KLF17: variants seen among roughly 807,000 people sequenced by gnomAD.
KLF17 encodes the protein Krueppel-like factor 17.
In KLF17, 31 loss-of-function variants were observed where a neutral mutation model predicts 34.2. The observed-to-expected ratio is 0.91, with a 90% CI of 0.68 to 1.22. The LOEUF is 1.22. Ranked by LOEUF, KLF17 falls within the 50% of genes most tolerant of loss-of-function variation. KLF17 has a pLI of 0.00. For missense variants in KLF17, 478 were observed against 505.2 expected, an observed-to-expected ratio of 0.95 and a Z score of 0.52; for synonymous variants, 179 against 186.7, an observed-to-expected ratio of 0.96 and a Z score of 0.34.
the KLF17 span, chr1:44,088,217 C>G: frequency 0.23 from 35,080 of 152,478 alleles, 4,564 homozygotes; most frequent in Non-Finnish European, 0.28. Flanking sequence ...CTCCCAGGCT[C>G]TAGCGATCTT....
the KLF17 span, chr1:44,104,053 C>T: frequency 3.4e-6 from 3 of 875,904 alleles, no homozygotes; most frequent in Non-Finnish European, 3.9e-6. Flanking sequence ...ACAGACGTGG[C>T]GGAGATCTGG....
chr1:44,119,404 G>GAA (rs560211733), intron 1 of KLF17, among the ~76,000 whole-genome samples: 1,627 of 136,966 alleles, frequency 0.012, 26 homozygotes, highest in African/African-American at 0.036. Flanking sequence ...GAAACAACAG[G>GAA]AAAAAAAAAA....
chr1:44,078,732 G>A, the KLF17 span, among the ~76,000 whole-genome samples: 1 of 152,088 alleles, frequency 6.6e-6, no homozygotes. Context: ...TGCTGTGCCC[G>A]GCCGCTTTTC....
chr1:44,097,114 G>C, the KLF17 span, among the ~76,000 whole-genome samples: 3 of 152,052 alleles, frequency 2.0e-5, no homozygotes, highest in Admixed American at 2.0e-4. Context: ...TTTTTGTCGG[G>C]TTGATCAGAT....
At chr1:44,123,067 A>C (rs1038225546) in intron 1 of KLF17, among the ~76,000 whole-genome samples, 2 of 152,146 alleles carry the variant, frequency 1.3e-5, no homozygotes, top group Non-Finnish European at 2.9e-5. Flanking sequence ...CAATCTTCAA[A>C]GTTAGGATAA....
chr1:44,056,079 A>G, the KLF17 span, among the ~76,000 whole-genome samples: 1 of 152,210 alleles, frequency 6.6e-6, no homozygotes, highest in Non-Finnish European at 1.5e-5. Context: ...GCCGCATCTC[A>G]GCTTACCTGG....
chr1:44,112,491 G>C, the KLF17 span, among the ~76,000 whole-genome samples: 1 of 151,860 alleles, frequency 6.6e-6, no homozygotes, highest in East Asian at 1.9e-4. Context: ...CTTTAACCTT[G>C]AACTCCTAGG....
chr1:44,060,042 T>C, the KLF17 span, among the ~76,000 whole-genome samples: 2 of 152,026 alleles, frequency 1.3e-5, no homozygotes, highest in Non-Finnish European at 2.9e-5. Flanking sequence ...TCACACCCCG[T>C]AGGGCCTCTG....
At chr1:44,131,209 A>G (rs2088106128) in intron 3 of KLF17, among the ~76,000 whole-genome samples, 1 of 151,972 alleles carries the variant, frequency 6.6e-6, no homozygotes. Flanking sequence ...GCCTACACGG[A>G]GCTCTGGAGC....
the KLF17 span, among the ~76,000 whole-genome samples, chr1:44,079,481 T>G: frequency 6.6e-6 from 1 of 151,868 alleles, no homozygotes; most frequent in South Asian, 2.1e-4. Context: ...TTTGTTATTT[T>G]TCATAGAGGT....
At chr1:44,065,755 A>G in the KLF17 span, among the ~76,000 whole-genome samples, 2 of 152,190 alleles carry the variant, frequency 1.3e-5, no homozygotes, top group African/African-American at 2.4e-5. Context: ...TTTATTATAC[A>G]TTAGAAGAAA....
the KLF17 span, among the ~76,000 whole-genome samples, chr1:44,048,823 TTCTTTG>T: frequency 1.5e-5 from 2 of 132,974 alleles, no homozygotes; most frequent in African/African-American, 5.8e-5. Flanking sequence ...ATGATTAGTT[TTCTTTG>T]TTTTTATGTG....
chr1:44,055,487 G>T, the KLF17 span, among the ~76,000 whole-genome samples: 81 of 152,160 alleles, frequency 5.3e-4, no homozygotes, highest in Non-Finnish European at 6.8e-4. Flanking sequence ...ACTGGGGAGA[G>T]AATTACTTTC....
the KLF17 span, among the ~76,000 whole-genome samples, chr1:44,053,745 G>A: frequency 6.6e-6 from 1 of 152,184 alleles, no homozygotes; most frequent in Non-Finnish European, 1.5e-5. Context: ...GAGGATCCTG[G>A]GAAGTTTACA....
chr1:44,081,420 T>G, the KLF17 span, among the ~76,000 whole-genome samples: 94 of 151,480 alleles, frequency 6.2e-4, no homozygotes, highest in South Asian at 6.9e-3. Context: ...CATGGTAGTT[T>G]TTTTTTTTTT....
At chr1:44,103,700 G>A in the KLF17 span, 1 of 1,591,594 alleles carries the variant, frequency 6.3e-7, no homozygotes, top group Middle Eastern at 2.1e-4. Context: ...CCGGCTGGAG[G>A]GCGGCCTCCA....
upstream of KLF17, among the ~76,000 whole-genome samples, chr1:44,117,564 C>T (rs963934133): frequency 6.0e-5 from 9 of 151,228 alleles, no homozygotes; most frequent in East Asian, 1.9e-4. Context: ...GGCGCGATCT[C>T]GACACACTGG....
At chr1:44,066,710 A>G in the KLF17 span, among the ~76,000 whole-genome samples, 1 of 152,232 alleles carries the variant, frequency 6.6e-6, no homozygotes, top group Non-Finnish European at 1.5e-5. Context: ...ATCAGAAGAC[A>G]TCTGACAGGA....
At chr1:44,076,951 G>C in the KLF17 span, 2 of 146,390 alleles carry the variant, frequency 1.4e-5, no homozygotes, top group African/African-American at 5.1e-5. Context: ...GCTCAGGCTG[G>C]TCTTGAACTC....
Sources: allele counts gnomAD v4.1 joint callset (sites outside exome capture counted in the v4.1 genomes callset), GRCh38; gene constraint gnomAD v4.1.1; transcripts MANE v1.5; gene names NCBI Gene and HGNC (gene_info 2026-07-23, HGNC 2026-07-21).